Variants in EFCAB10 observed in about 807,000 individuals in gnomAD.
EFCAB10 encodes the protein EF-hand calcium-binding domain-containing protein 10.
In EFCAB10, 7 loss-of-function variants were observed where a neutral mutation model predicts 7.7. That is an observed-to-expected ratio of 0.91 (90% CI 0.52 to 1.72). EFCAB10 has a LOEUF of 1.72. Ranked by LOEUF, EFCAB10 falls within the 40% of genes most tolerant of loss-of-function variation. The pLI is 0.00. For synonymous variants in EFCAB10, 52 were observed against 21.0 expected, an observed-to-expected ratio of 2.47 and a Z score of -4.03; for missense variants, 112 against 61.5, an observed-to-expected ratio of 1.82 and a Z score of -2.74.
At chr7:105,566,896 T>C (rs1453707659) in intron 4 of EFCAB10, 1 of 321,866 alleles carries the variant, frequency 3.1e-6, no homozygotes, top group African/African-American at 2.1e-5. Context: ...CGGATACATA[T>C]TGAAATAGGG....
intron 1 of EFCAB10, among the ~76,000 whole-genome samples, chr7:105,577,708 C>T (rs1425198126): frequency 6.7e-6 from 1 of 149,034 alleles, no homozygotes; most frequent in Admixed American, 6.8e-5. Context: ...GTGCTTTTGT[C>T]TGTTCAATTT....
chr7:105,568,097 G>T (rs1005162461), intron 3 of EFCAB10, among the ~76,000 whole-genome samples: 1 of 152,154 alleles, frequency 6.6e-6, no homozygotes, highest in Non-Finnish European at 1.5e-5. Flanking sequence ...GTTTCATTCT[G>T]TGTGACAGTG....
intron 3 of EFCAB10, among the ~76,000 whole-genome samples, chr7:105,568,886 G>T (rs1791861515): frequency 1.3e-5 from 2 of 151,488 alleles, no homozygotes; most frequent in Non-Finnish European, 2.9e-5. Context: ...GGAGGTGGAG[G>T]TTGCAGTGAG....
rs113832972 is a variant in EFCAB10 at position 105,574,807 on chromosome 7, C to T, written c.107-5236G>A. ...CAGAAACTCCTGTTTTTAAAACCAT[C>T]GGATCAGGTCAGGCGCAGTGGCTCA... On this transcript the variant is annotated intron_variant, in intron 1 of 4. Transcript: ENST00000480514. 5.4e-3 allele frequency among the ~76,000 whole-genome samples: 819 copies of T among 151,800 alleles called. 8 individuals carry two copies. Among genetic ancestry groups the T allele is most frequent in the African/African-American group, 0.018 (764 of 41,446 alleles).
At chr7:105,573,019 T>TA (rs1175729602) in intron 1 of EFCAB10, 3 of 151,306 alleles carry the variant, frequency 2.0e-5, no homozygotes, top group East Asian at 1.9e-4. Flanking sequence ...TTTTTTTTTT[T>TA]AACTATTGAG....
At chr7:105,572,005 A>T (rs188624575) in intron 1 of EFCAB10, 3 of 152,310 alleles carry the variant, frequency 2.0e-5, no homozygotes, top group African/African-American at 7.2e-5. Flanking sequence ...AATAATTTTT[A>T]ATCTTTTAAT....
chr7:105,570,353 C>T (rs969761620), intron 1 of EFCAB10, among the ~76,000 whole-genome samples: 4 of 145,834 alleles, frequency 2.7e-5, no homozygotes, highest in African/African-American at 1.0e-4. Flanking sequence ...TATGGTCCTC[C>T]AGGAAGCACA....
chr7:105,572,166 C>T (rs1278667767), intron 1 of EFCAB10: 1 of 152,172 alleles, frequency 6.6e-6, no homozygotes, highest in African/African-American at 2.4e-5. Flanking sequence ...ACTTATTCCT[C>T]TTTTGTCTGA....
chr7:105,570,149 G>T (rs1791898282), intron 1 of EFCAB10, among the ~76,000 whole-genome samples: 1 of 137,544 alleles, frequency 7.3e-6, no homozygotes, highest in Admixed American at 7.8e-5. Context: ...GGGAGGCAGA[G>T]GTTGCAGTGA....
intron 1 of EFCAB10, among the ~76,000 whole-genome samples, chr7:105,577,952 T>G (rs1365998209): frequency 2.0e-5 from 3 of 152,166 alleles, no homozygotes; most frequent in African/African-American, 4.8e-5. Context: ...TTAGTAGAGA[T>G]AGTTTTTCAC....
intron 1 of EFCAB10, among the ~76,000 whole-genome samples, chr7:105,570,252 T>A (rs1562866448): frequency 1.7e-4 from 15 of 86,872 alleles, no homozygotes; most frequent in Admixed American, 3.1e-4. Flanking sequence ...TATATATATA[T>A]ATATATATAT....
At chr7:105,575,907 C>G (rs1180958210) in intron 1 of EFCAB10, among the ~76,000 whole-genome samples, 2 of 152,048 alleles carry the variant, frequency 1.3e-5, no homozygotes, top group African/African-American at 4.8e-5. Flanking sequence ...CATGGTGGCA[C>G]ATGCCTGTAA....
intron 3 of EFCAB10, 108 bp downstream of exon 3, chr7:105,569,095 G>A: frequency 1.5e-6 from 1 of 653,424 alleles, no homozygotes. Context: ...AAGTTTCAAG[G>A]GAACAAAATA....
rs1186773614 is a variant in EFCAB10, at chr7:105,575,720, T to C, written c.106+5638A>G. Reference sequence around the variant, plus strand: ...CAACTCCTCTGTAATTCCAAGGTTTTCAAATTGGGACACATATCATAATAC... The same window carrying C: ...CAACTCCTCTGTAATTCCAAGGTTTCCAAATTGGGACACATATCATAATAC... On this transcript the variant is annotated intron_variant, in intron 1 of 4. Transcript: ENST00000480514. 2.6e-5 allele frequency among the ~76,000 whole-genome samples: 4 copies of C among 152,136 alleles called. No individual in the cohort carries two copies. The East Asian group carries it at 7.7e-4, about 29-fold the overall frequency.
At chr7:105,574,927 C>G (rs1010759865) in intron 1 of EFCAB10, among the ~76,000 whole-genome samples, 8 of 144,436 alleles carry the variant, frequency 5.5e-5, no homozygotes, top group African/African-American at 1.6e-4. Context: ...GAAACTCTAT[C>G]CCTACTTAAA....
chr7:105,578,269 G>A (rs555289239), intron 1 of EFCAB10, among the ~76,000 whole-genome samples: 1 of 152,284 alleles, frequency 6.6e-6, no homozygotes, highest in African/African-American at 2.4e-5. Flanking sequence ...AATGAAGACA[G>A]GAAATGTAAG....
At chr7:105,566,071 C>T (rs2133484820) in intron 4 of EFCAB10, among the ~76,000 whole-genome samples, 1 of 151,786 alleles carries the variant, frequency 6.6e-6, no homozygotes, top group Admixed American at 6.6e-5. Context: ...AGATCGAGAC[C>T]ATCCTGGCTA....
chr7:105,580,503 A>G lies in EFCAB10; in HGVS notation c.106+855T>C, dbSNP rs550847384. ...TTATTTTTATTTTTATTTTTGAGATAGGATCTCGCTTTGTCGCCCAGGCTG... is the reference window on the plus strand; with the variant it reads ...TTATTTTTATTTTTATTTTTGAGATGGGATCTCGCTTTGTCGCCCAGGCTG... On this transcript the variant is annotated intron_variant, in intron 1 of 4. Coordinates refer to ENST00000480514, the MANE Select transcript of EFCAB10 (RefSeq NM_001355526.2). Among the ~76,000 whole-genome samples the G allele has an allele frequency of 5.9e-5, 9 of 152,044 alleles. No individual in the cohort carries two copies. In the East Asian group the frequency reaches 1.2e-3, roughly 20 times the overall value.
chr7:105,573,166 A>T (rs1208085821), intron 1 of EFCAB10: 1 of 151,970 alleles, frequency 6.6e-6, no homozygotes, highest in Non-Finnish European at 1.5e-5. Context: ...CATCTTTTTC[A>T]TCCCTGGGAA....
Sources: allele counts gnomAD v4.1 joint callset (sites outside exome capture counted in the v4.1 genomes callset), GRCh38; gene constraint gnomAD v4.1.1; transcripts MANE v1.5; gene names NCBI Gene and HGNC (gene_info 2026-07-23, HGNC 2026-07-21).